Variants in ALMS1 observed in about 807,000 individuals in gnomAD.
ALMS1 encodes ALMS1 centrosome and basal body associated protein.
In ALMS1, 271 loss-of-function variants were observed where a neutral mutation model predicts 352.2. The ratio of observed to expected loss-of-function variants is 0.77; its 90% CI spans 0.70 to 0.85. The LOEUF (loss-of-function observed/expected upper bound fraction) is 0.85, where lower values mean the gene tolerates loss of function less well. ALMS1 is among the 40% of genes least tolerant of loss of function. The pLI, the probability that ALMS1 is intolerant of heterozygous loss-of-function variation, is 0.00. For missense variants in ALMS1, 5,445 were observed against 4,870.7 expected, an observed-to-expected ratio of 1.12 and a Z score of -3.51; for synonymous variants, 1,865 against 1,761.2, an observed-to-expected ratio of 1.06 and a Z score of -1.48.
At chr2:73,436,926 ACT>A (rs1671615020) in intron 7 of ALMS1, among the ~76,000 whole-genome samples, 1 of 152,158 alleles carries the variant, frequency 6.6e-6, no homozygotes, top group Non-Finnish European at 1.5e-5. Context: ...AAGGGGTCAC[ACT>A]TTCTTTTGCA....
intron 2 of ALMS1, among the ~76,000 whole-genome samples, chr2:73,409,998 G>T (rs1240314536): frequency 6.6e-6 from 1 of 152,200 alleles, no homozygotes; most frequent in African/African-American, 2.4e-5. Context: ...GCCTTTTGTT[G>T]TATTTAGGCC....
intron 10 of ALMS1, among the ~76,000 whole-genome samples, chr2:73,493,782 A>G (rs1673041875): frequency 6.6e-6 from 1 of 152,226 alleles, no homozygotes; most frequent in Admixed American, 6.5e-5. Context: ...TGTATAAAAT[A>G]TATTCAAACT....
At chr2:73,534,978 A>T (rs759661848) in intron 12 of ALMS1, 29 bp downstream of exon 12, 3 of 1,612,494 alleles carry the variant, frequency 1.9e-6, no homozygotes, top group Non-Finnish European at 1.7e-6. Flanking sequence ...TCGAAGTTTT[A>T]TTGTTTGATA....
At chr2:73,480,034 G>A (rs1199452465) in intron 9 of ALMS1, among the ~76,000 whole-genome samples, 4 of 151,550 alleles carry the variant, frequency 2.6e-5, no homozygotes, top group East Asian at 1.9e-4. Context: ...TGAAATGTCT[G>A]TATCTTTTGC....
chr2:73,500,386 G>A (rs928248499), intron 10 of ALMS1, among the ~76,000 whole-genome samples: 5 of 152,110 alleles, frequency 3.3e-5, no homozygotes, highest in Non-Finnish European at 5.9e-5. Context: ...TGTACTTTCT[G>A]TGACTACATT....
chr2:73,508,427 GATCT>G (rs1673382300), intron 10 of ALMS1, among the ~76,000 whole-genome samples: 1 of 151,762 alleles, frequency 6.6e-6, no homozygotes. Context: ...GGATGGTCTC[GATCT>G]CCTGACCTTG....
Position 73,559,030 on chromosome 2 carries a change from G to C in ALMS1, c.10272G>C (p.Lys3424Asn), listed in dbSNP as rs34398445. 1,719 of 1,614,004 alleles carry C rather than the reference G, an allele frequency of 1.1e-3. 18 individuals carry two copies. The African/African-American group carries it at 0.02, about 19-fold the overall frequency. ...CTCAAGTAGGAGACCCAGAAATGAA[G>C]AACTTGCCAGACACTAAAGCCATTA... is the stretch of plus-strand genomic sequence containing the variant. ...HSAQVGDPEMKNLPDTKAITQ... is the reference protein window; with the variant it reads ...HSAQVGDPEMNNLPDTKAITQ... The change falls in exon 15 of 23, where the codon AAG (lysine) becomes AAC (asparagine). Residue 3424 changes from lysine to asparagine, a missense_variant. Coordinates refer to ENST00000613296, the MANE Select transcript of ALMS1 (RefSeq NM_001378454.1).
intron 12 of ALMS1, among the ~76,000 whole-genome samples, chr2:73,543,772 C>T (rs1573008354): frequency 6.6e-6 from 1 of 152,182 alleles, no homozygotes; most frequent in East Asian, 1.9e-4. Flanking sequence ...AAATGCTCAT[C>T]ATCACTGGCC....
chr2:73,398,528 A>T (rs1014941972), intron 1 of ALMS1, among the ~76,000 whole-genome samples: 1 of 152,196 alleles, frequency 6.6e-6, no homozygotes, highest in African/African-American at 2.4e-5. Flanking sequence ...TAATAGATCA[A>T]GTTGGGAAGA....
intron 16 of ALMS1, among the ~76,000 whole-genome samples, chr2:73,596,290 C>T (rs535995305): frequency 7.2e-5 from 11 of 152,114 alleles, no homozygotes; most frequent in Non-Finnish European, 7.4e-5. Context: ...TTTTTGTGTA[C>T]GGTGTGTTGT....
At chr2:73,444,230 C>G (rs181626266) in intron 7 of ALMS1, among the ~76,000 whole-genome samples, 141 of 152,238 alleles carry the variant, frequency 9.3e-4, no homozygotes, top group African/African-American at 3.3e-3. Context: ...AGCCTGGAAG[C>G]AAGATCTGAA....
chr2:73,455,284 G>T lies in ALMS1; in HGVS notation c.7663G>T (p.Asp2555Tyr). Reference sequence around the variant, plus strand: ...GTTATTTGGTCATGGAAGAACAACTGACTTGTCCAAGGTATAAAAGAAATC... The same window carrying T: ...GTTATTTGGTCATGGAAGAACAACTTACTTGTCCAAGGTATAAAAGAAATC... ...AELFGHGRTT[D>Y]LSKGLQSPRG... Residue 2555 changes from aspartate (D) to tyrosine (Y), a missense_variant, in exon 9 of 23, where the codon GAC (aspartate) becomes TAC (tyrosine). Physicochemically the swap from Asp to Tyr is radical, Grantham distance 160. Transcript: ENST00000613296. 1 of 1,614,080 alleles carries T rather than the reference G, an allele frequency of 6.2e-7. No homozygotes were observed. Among genetic ancestry groups the T allele is most frequent in the South Asian group, 1.1e-5 (1 of 91,066 alleles).
chr2:73,422,355 A>G (rs943565144), intron 3 of ALMS1, among the ~76,000 whole-genome samples: 2 of 152,104 alleles, frequency 1.3e-5, no homozygotes, highest in Non-Finnish European at 2.9e-5. Flanking sequence ...TCTTAATATT[A>G]TTTTGAATAA....
intron 7 of ALMS1, among the ~76,000 whole-genome samples, chr2:73,440,972 A>G (rs1303874641): frequency 6.6e-6 from 1 of 152,102 alleles, no homozygotes; most frequent in Non-Finnish European, 1.5e-5. Flanking sequence ...GGTACCATTG[A>G]GGCTCCCACT....
intron 21 of ALMS1, chr2:73,603,588 G>T: frequency 2.6e-6 from 1 of 382,890 alleles, no homozygotes; most frequent in East Asian, 6.2e-5. Flanking sequence ...GGCCAGGTAC[G>T]GTGGCTCATG....
At chr2:73,414,990 G>T (rs1671157941) in intron 2 of ALMS1, among the ~76,000 whole-genome samples, 1 of 152,022 alleles carries the variant, frequency 6.6e-6, no homozygotes, top group African/African-American at 2.4e-5. Context: ...TACACATTTA[G>T]TTTTCAACCT....
chr2:73,542,589 T>C (rs1010389169), intron 12 of ALMS1, among the ~76,000 whole-genome samples: 109 of 152,304 alleles, frequency 7.2e-4, no homozygotes, highest in Middle Eastern at 3.4e-3. Flanking sequence ...TGTTTGCAGA[T>C]GACATGATTG....
intron 16 of ALMS1, among the ~76,000 whole-genome samples, chr2:73,590,551 C>G (rs1675407259): frequency 6.6e-6 from 1 of 151,724 alleles, no homozygotes; most frequent in Non-Finnish European, 1.5e-5. Flanking sequence ...ATTTACATTT[C>G]TTACTTTGAG....
At chr2:73,517,230 T>C (rs1673577333) in intron 10 of ALMS1, among the ~76,000 whole-genome samples, 1 of 147,330 alleles carries the variant, frequency 6.8e-6, no homozygotes, top group African/African-American at 2.6e-5. Flanking sequence ...TCAAGTGATT[T>C]TTTGAAAGTT....
Sources: allele counts gnomAD v4.1 joint callset (sites outside exome capture counted in the v4.1 genomes callset), GRCh38; gene constraint gnomAD v4.1.1; transcripts MANE v1.5; gene names NCBI Gene and HGNC (gene_info 2026-07-23, HGNC 2026-07-21).